The following SHOC2 variants were observed in gnomAD, a reference collection of about 807,000 sequenced individuals.
SHOC2 encodes leucine-rich repeat protein SHOC-2.
A neutral mutation model predicts 50.2 loss-of-function variants in SHOC2; 4 were observed. That is an observed-to-expected ratio of 0.08 (90% CI 0.04 to 0.18). The LOEUF is 0.18. SHOC2 is among the 10% of genes least tolerant of loss of function. The pLI is 1.00. For synonymous variants in SHOC2, 218 were observed against 244.5 expected, an observed-to-expected ratio of 0.89 and a Z score of 1.01; for missense variants, 388 against 669.6, an observed-to-expected ratio of 0.58 and a Z score of 4.64.
intron 1 of SHOC2, among the ~76,000 whole-genome samples, chr10:110,952,888 G>A (rs1847383286): frequency 6.6e-6 from 1 of 152,156 alleles, no homozygotes; most frequent in Non-Finnish European, 1.5e-5. Flanking sequence ...CAAAGGACAT[G>A]AGCTCATTCT....
chr10:110,949,196 CA>C (rs1435733189), intron 1 of SHOC2, among the ~76,000 whole-genome samples: 2 of 152,036 alleles, frequency 1.3e-5, no homozygotes, highest in East Asian at 3.9e-4. Flanking sequence ...ACTGAACTGA[CA>C]AATCTTTAGC....
chr10:111,002,291 C>T lies in SHOC2; in HGVS notation c.972+1746C>T, dbSNP rs537752775. Among the ~76,000 whole-genome samples the T allele has an allele frequency of 1.6e-4, 25 of 152,090 alleles. No homozygotes were observed. In the South Asian group the frequency reaches 3.1e-3, roughly 19 times the overall value. On this transcript the variant is annotated intron_variant, in intron 4 of 8. Transcript: ENST00000369452. ...GTCCCAATGCAAATGTGAAATTATCCGCATTTATAGTAAGGAAAACAATAA... is the reference window on the plus strand; with the variant it reads ...GTCCCAATGCAAATGTGAAATTATCTGCATTTATAGTAAGGAAAACAATAA...
chr10:110,936,126 C>T (rs1189473515), intron 1 of SHOC2, among the ~76,000 whole-genome samples: 94 of 120,744 alleles, frequency 7.8e-4, no homozygotes, highest in Middle Eastern at 7.2e-3. Flanking sequence ...GTCGGAGTTT[C>T]GCTATTGTCG....
intron 3 of SHOC2, among the ~76,000 whole-genome samples, chr10:110,987,847 T>C (rs1269678054): frequency 6.6e-6 from 1 of 152,114 alleles, no homozygotes. Context: ...TCAAATTTAA[T>C]GGAAAATTCC....
Position 110,921,262 on chromosome 10 carries a change from G to C in SHOC2, c.-235+1605G>C, listed in dbSNP as rs570242983. On this transcript the variant is annotated intron_variant, in intron 1 of 8. Transcript: ENST00000369452. ...GAATAAAGTATGCAAATGACCATTC[G>C]CCACATATGGAACTTAGACTGAGTA... Among the ~76,000 whole-genome samples, 13 of 152,270 alleles carry C rather than the reference G, an allele frequency of 8.5e-5. No individual in the cohort carries two copies. The East Asian group carries it at 1.7e-3, about 20-fold the overall frequency.
At chr10:110,928,900 A>T (rs1268829028) in intron 1 of SHOC2, among the ~76,000 whole-genome samples, 4 of 152,188 alleles carry the variant, frequency 2.6e-5, no homozygotes, top group Non-Finnish European at 5.9e-5. Flanking sequence ...GTCTCAAAAA[A>T]AGTCAGCTGT....
intron 1 of SHOC2, among the ~76,000 whole-genome samples, chr10:110,921,352 A>AAATTTGAAATT (rs2134064058): frequency 6.6e-6 from 1 of 152,340 alleles, no homozygotes; most frequent in Admixed American, 6.5e-5. Context: ...AATTATAAAT[A>AAATTTGAAATT]CACATTTGAA....
intron 1 of SHOC2, among the ~76,000 whole-genome samples, chr10:110,947,651 T>C (rs1356573163): frequency 6.6e-6 from 1 of 152,094 alleles, no homozygotes; most frequent in Non-Finnish European, 1.5e-5. Context: ...GTGATTGAAA[T>C]TAAATTTTTA....
rs140028279 is a variant in SHOC2, at chr10:110,960,969, G to T, written c.-234-3156G>T. On this transcript the variant is annotated intron_variant, in intron 1 of 8. Coordinates refer to ENST00000369452, the MANE Select transcript of SHOC2 (RefSeq NM_007373.4). The stretch of plus-strand genomic sequence containing the variant: ...TAGGATTACAGACGTGAACCACCAC[G>T]CCTGGCCAAATTTGTAGTGTTTTTG... 3.2e-3 allele frequency among the ~76,000 whole-genome samples: 486 copies of T among 152,232 alleles called. 26 individuals carry two copies. The South Asian group carries it at 0.093, about 29-fold the overall frequency.
chr10:110,967,534 A>G (rs1847699672), intron 2 of SHOC2, among the ~76,000 whole-genome samples: 1 of 152,190 alleles, frequency 6.6e-6, no homozygotes, highest in South Asian at 2.1e-4. Flanking sequence ...GGTTTTTAGA[A>G]TATTCAGATT....
chr10:110,961,059 A>G (rs1227404465), intron 1 of SHOC2, among the ~76,000 whole-genome samples: 1 of 152,156 alleles, frequency 6.6e-6, no homozygotes, highest in Non-Finnish European at 1.5e-5. Context: ...CATATGCGGT[A>G]GTTATTAGGT....
intron 1 of SHOC2, among the ~76,000 whole-genome samples, chr10:110,940,463 A>G (rs1180112123): frequency 6.6e-6 from 1 of 152,228 alleles, no homozygotes; most frequent in Admixed American, 6.5e-5. Context: ...AATAGTGTAT[A>G]TTAAAAATGT....
In SHOC2 at chr10:111,013,245, A is replaced by G. The variant is rs1334595294; in HGVS notation, c.*1427A>G. The G allele has an allele frequency of 1.3e-5, 2 of 152,172 alleles. No homozygotes were observed. Among genetic ancestry groups the G allele is most frequent in the African/African-American group, 4.8e-5 (2 of 41,546 alleles). The allele number at this position is 152,172 out of a possible 1,614,324, so 9.4% of individuals were successfully genotyped here. A position where few individuals can be genotyped will look rare whatever the true frequency, so the allele number is the denominator to read the frequency against. ...CAAGGTGCGTTCTAGATGTCATCCT[A>G]AAAAACACTTCATATATAATTAATC... On this transcript the variant is annotated 3_prime_UTR_variant, in exon 9 of 9. Transcript: ENST00000369452.
chr10:110,995,089 G>A (rs1337125789), intron 3 of SHOC2, among the ~76,000 whole-genome samples: 1 of 152,060 alleles, frequency 6.6e-6, no homozygotes, highest in Non-Finnish European at 1.5e-5. Context: ...ATAATTTTTT[G>A]TATCTTGTTC....
At chr10:110,958,591 T>C (rs1847513487) in intron 1 of SHOC2, among the ~76,000 whole-genome samples, 1 of 152,208 alleles carries the variant, frequency 6.6e-6, no homozygotes, top group Non-Finnish European at 1.5e-5. Context: ...TAGTCTCATC[T>C]GAAACCTTTG....
intron 1 of SHOC2, among the ~76,000 whole-genome samples, chr10:110,935,296 G>A (rs1160422226): frequency 6.6e-6 from 1 of 152,206 alleles, no homozygotes; most frequent in East Asian, 1.9e-4. Context: ...CTAGTAGGTT[G>A]TCAGCTGGAA....
chr10:110,955,518 T>C (rs750577081), intron 1 of SHOC2, among the ~76,000 whole-genome samples: 4 of 152,166 alleles, frequency 2.6e-5, no homozygotes, highest in Non-Finnish European at 4.4e-5. Context: ...CTCAGTTCAG[T>C]TTAAAAGACA....
chr10:110,987,270 T>C (rs1211945469), intron 3 of SHOC2, among the ~76,000 whole-genome samples: 1 of 152,178 alleles, frequency 6.6e-6, no homozygotes, highest in Non-Finnish European at 1.5e-5. Flanking sequence ...TATTTTTTTA[T>C]TGGGAGAATT....
intron 2 of SHOC2, among the ~76,000 whole-genome samples, chr10:110,975,283 G>C (rs1847854771): frequency 6.6e-6 from 1 of 151,948 alleles, no homozygotes. Context: ...AGTCTCCCCA[G>C]TAGCTGGGAC....
Sources: allele counts gnomAD v4.1 joint callset (sites outside exome capture counted in the v4.1 genomes callset), GRCh38; gene constraint gnomAD v4.1.1; transcripts MANE v1.5; gene names NCBI Gene and HGNC (gene_info 2026-07-23, HGNC 2026-07-21).